CFAP43: variants seen among roughly 807,000 people sequenced by gnomAD.
The protein encoded by CFAP43 is cilia- and flagella-associated protein 43.
Under a neutral mutation model 218.9 loss-of-function variants are expected in CFAP43, and 155 were observed. The observed-to-expected ratio is 0.71, with a 90% CI of 0.62 to 0.81. The LOEUF (loss-of-function observed/expected upper bound fraction) is 0.81. Ranked by LOEUF, CFAP43 falls within the 30% of genes least tolerant of loss-of-function variation. The pLI is 0.00. For missense variants in CFAP43, 1,778 were observed against 1,954.3 expected (o/e 0.91, Z 1.70); for synonymous variants, 645 against 681.3 (o/e 0.95, Z 0.83).
intron 14 of CFAP43, 52 bp from the exon 15 acceptor site, chr10:104,186,175 C>T (rs780920233): frequency 7.1e-7 from 1 of 1,406,214 alleles, no homozygotes; most frequent in East Asian, 2.6e-5. Context: ...GTAAACAGCA[C>T]CTTTGGGTTT....
intron 1 of CFAP43, among the ~76,000 whole-genome samples, chr10:104,231,912 C>T (rs1034869466): frequency 2.0e-5 from 3 of 151,314 alleles, no homozygotes; most frequent in African/African-American, 7.3e-5. Context: ...GTGCAGGGGA[C>T]GTTGCTGGGT....
intron 6 of CFAP43, among the ~76,000 whole-genome samples, chr10:104,206,904 TGGC>T (rs2090708555): frequency 2.0e-5 from 3 of 152,194 alleles, no homozygotes; most frequent in Admixed American, 6.5e-5. Context: ...CAGGGTGTGG[TGGC>T]TCCTGCCTGT....
In CFAP43 at chr10:104,175,092, A is replaced by C. The variant is rs543327648; in HGVS notation, c.2461-2557T>G. Among the ~76,000 whole-genome samples the C allele has an allele frequency of 1.8e-3, 271 of 148,460 alleles. No homozygotes were observed. The Middle Eastern group carries it at 0.028, about 15-fold the overall frequency. On this transcript the variant is annotated intron_variant, in intron 19 of 37. Transcript: ENST00000357060. The stretch of plus-strand genomic sequence containing the variant: ...ACAAACAAACAAACAAACAAACAAA[A>C]AAAAACCAAAAAGAAAATATAACTT...
intron 3 of CFAP43, among the ~76,000 whole-genome samples, chr10:104,216,753 G>A (rs1038142702): frequency 3.9e-5 from 6 of 151,980 alleles, no homozygotes; most frequent in African/African-American, 9.7e-5. Flanking sequence ...AGTTGCACTC[G>A]GTACCAAGTG....
intron 17 of CFAP43, among the ~76,000 whole-genome samples, chr10:104,180,133 G>A: frequency 6.6e-6 from 1 of 152,210 alleles, no homozygotes; most frequent in Admixed American, 6.5e-5. Context: ...AGTAGCCACA[G>A]CTTCCACTGA....
intron 34 of CFAP43, among the ~76,000 whole-genome samples, chr10:104,135,607 TTAA>T (rs2087404476): frequency 6.6e-6 from 1 of 152,000 alleles, no homozygotes; most frequent in Non-Finnish European, 1.5e-5. Flanking sequence ...TGGAAAAGAA[TTAA>T]TAAATCAATT....
At chr10:104,165,293 A>G (rs541232444) in intron 23 of CFAP43, among the ~76,000 whole-genome samples, 34 of 152,320 alleles carry the variant, frequency 2.2e-4, no homozygotes, top group African/African-American at 7.0e-4. Context: ...GAAACCATTA[A>G]AGCAAGGTGA....
At chr10:104,173,107 C>A (rs1224644003) in intron 19 of CFAP43, among the ~76,000 whole-genome samples, 1 of 152,054 alleles carries the variant, frequency 6.6e-6, no homozygotes, top group Non-Finnish European at 1.5e-5. Flanking sequence ...ATATTAATGT[C>A]TTTAATATAT....
intron 9 of CFAP43, among the ~76,000 whole-genome samples, chr10:104,197,344 TCTC>T (rs1384295686): frequency 6.6e-6 from 1 of 152,114 alleles, no homozygotes; most frequent in Non-Finnish European, 1.5e-5. Flanking sequence ...AAAGTAGAGT[TCTC>T]CTTCACCTTC....
intron 4 of CFAP43, among the ~76,000 whole-genome samples, chr10:104,213,339 T>G (rs191829087): frequency 2.0e-5 from 3 of 152,308 alleles, no homozygotes; most frequent in African/African-American, 7.2e-5. Flanking sequence ...CAACTTTGAC[T>G]TCATGGAGTA....
chr10:104,186,027 G>C lies in CFAP43; in HGVS notation c.1957C>G (p.Leu653Val). The C allele has an allele frequency of 6.2e-7, 1 of 1,610,764 alleles. No individual in the cohort carries two copies. The highest frequency in any genetic ancestry group is 8.5e-7 in the Non-Finnish European group (1 of 1,179,146). The change falls in exon 15 of 38, where the codon CTC (leucine) becomes GTC (valine). Residue 653 changes from leucine to valine, a missense_variant. By Grantham distance (32) the Leu-to-Val change is conservative. Around this residue, in one of 3 missense-constraint regions of CFAP43, gnomAD observed 1,553 missense variants for 1,685.2 expected, o/e 0.92. Coordinates refer to ENST00000357060, the MANE Select transcript of CFAP43 (RefSeq NM_025145.7). Reference protein sequence around the residue: ...LLYLSSHGLWLITIAKCGILC... With the variant: ...LLYLSSHGLWVITIAKCGILC... ...ATTCCACATTTAGCTATTGTTATGA[G>C]CCACAATCCATGTGAAGACAGATAG...
At chr10:104,189,781 T>C (rs569298639) in intron 12 of CFAP43, among the ~76,000 whole-genome samples, 2 of 152,040 alleles carry the variant, frequency 1.3e-5, no homozygotes, top group Admixed American at 6.6e-5. Flanking sequence ...GGTGGGAGGA[T>C]TGCTTGACTC....
chr10:104,219,563 ATTAGCCTAGC>A (rs1021574392), intron 3 of CFAP43, among the ~76,000 whole-genome samples: 3 of 152,206 alleles, frequency 2.0e-5, no homozygotes, highest in African/African-American at 7.2e-5. Flanking sequence ...GAATTTGTCC[ATTAGCCTAGC>A]TTATATGGAG....
chr10:104,228,079 T>A (rs2091351551), intron 2 of CFAP43, among the ~76,000 whole-genome samples: 1 of 152,098 alleles, frequency 6.6e-6, no homozygotes, highest in Admixed American at 6.6e-5. Flanking sequence ...CCTGACCTCG[T>A]GATCCACCTG....
At chr10:104,164,399 AT>A (rs61636691) in intron 23 of CFAP43, 99 bp from the exon 24 acceptor site, 138,821 of 748,848 alleles carry the variant, frequency 0.19, 98 homozygotes, top group South Asian at 0.26. Context: ...CATTCCACAA[AT>A]TTTTTTTTTT....
At chr10:104,149,613 C>G (rs2088151071) in intron 28 of CFAP43, among the ~76,000 whole-genome samples, 1 of 152,078 alleles carries the variant, frequency 6.6e-6, no homozygotes, top group Non-Finnish European at 1.5e-5. Flanking sequence ...TTTTTTACAA[C>G]TATTATCATC....
At chr10:104,224,458 AGCTG>A (rs1392576361) in intron 3 of CFAP43, among the ~76,000 whole-genome samples, 1 of 152,030 alleles carries the variant, frequency 6.6e-6, no homozygotes, top group Non-Finnish European at 1.5e-5. Context: ...ACCTCAATAA[AGCTG>A]TTTTAAAAAA....
At chr10:104,158,219 T>C (rs78505130) in intron 27 of CFAP43, among the ~76,000 whole-genome samples, 249 of 152,256 alleles carry the variant, frequency 1.6e-3, no homozygotes, top group African/African-American at 5.9e-3. Flanking sequence ...GGATCATCAA[T>C]GGATGCCAAA....
At chr10:104,163,942 C>G (rs1368752231) in intron 24 of CFAP43, 152 bp downstream of exon 24, 1 of 714,058 alleles carries the variant, frequency 1.4e-6, no homozygotes, top group Non-Finnish European at 2.3e-6. Flanking sequence ...AAATTCTCAT[C>G]ATTGCTGAGG....
Sources: allele counts gnomAD v4.1 joint callset (sites outside exome capture counted in the v4.1 genomes callset), GRCh38; gene constraint gnomAD v4.1.1; regional missense constraint gnomAD v4.1.1; transcripts MANE v1.5; gene names NCBI Gene and HGNC (gene_info 2026-07-23, HGNC 2026-07-21).